CNTNAP5: variants seen among roughly 807,000 people sequenced by gnomAD.
CNTNAP5 encodes the protein contactin-associated protein-like 5.
Under a neutral mutation model 150.2 loss-of-function variants are expected in CNTNAP5, and 72 were observed. The ratio of observed to expected loss-of-function variants is 0.48; its 90% CI spans 0.40 to 0.58. The LOEUF is 0.58. Among genes scored for constraint, CNTNAP5 ranks in the 20% least tolerant of loss-of-function variants. CNTNAP5 has a pLI of 0.00. For synonymous variants in CNTNAP5, 672 were observed against 619.8 expected (o/e 1.08, Z -1.25); for missense variants, 1,636 against 1,626.2 (o/e 1.01, Z -0.10).
intron 4 of CNTNAP5, among the ~76,000 whole-genome samples, chr2:124,421,910 G>A (rs1391094599): frequency 2.6e-5 from 4 of 152,174 alleles, no homozygotes; most frequent in Admixed American, 2.0e-4. Context: ...GATATGTGAT[G>A]TGCTGTCATT....
At chr2:124,207,715 G>C (rs1274395969) in intron 1 of CNTNAP5, among the ~76,000 whole-genome samples, 1 of 152,060 alleles carries the variant, frequency 6.6e-6, no homozygotes, top group Non-Finnish European at 1.5e-5. Flanking sequence ...ATTGCTAAAG[G>C]TTTTCTTCAA....
At chr2:124,266,163 A>G (rs1687602135) in intron 3 of CNTNAP5, among the ~76,000 whole-genome samples, 1 of 152,134 alleles carries the variant, frequency 6.6e-6, no homozygotes, top group Admixed American at 6.6e-5. Context: ...AACCTTATAC[A>G]TGGTAAGGGC....
chr2:124,322,706 G>A (rs940909227), intron 3 of CNTNAP5, among the ~76,000 whole-genome samples: 1 of 152,082 alleles, frequency 6.6e-6, no homozygotes, highest in African/African-American at 2.4e-5. Context: ...TAGCTGCTTT[G>A]CAATGACTCC....
chr2:124,675,293 G>A (rs555803824), intron 13 of CNTNAP5, among the ~76,000 whole-genome samples: 1 of 151,954 alleles, frequency 6.6e-6, no homozygotes, highest in African/African-American at 2.4e-5. Context: ...TTATAGTTAT[G>A]CTTGCATGGT....
At chr2:124,271,701 C>CTATCATCT (rs200397448) in intron 3 of CNTNAP5, among the ~76,000 whole-genome samples, 1,240 of 114,800 alleles carry the variant, frequency 0.011, 11 homozygotes, top group Non-Finnish European at 0.017. Flanking sequence ...ATCTATCTAT[C>CTATCATCT]ATCTATCTAT....
intron 19 of CNTNAP5, among the ~76,000 whole-genome samples, chr2:124,864,404 C>T (rs760529378): frequency 1.6e-4 from 24 of 152,062 alleles, no homozygotes; most frequent in Non-Finnish European, 3.1e-4. Flanking sequence ...ATACAATATA[C>T]TTTTGTTAAC....
At chr2:124,583,853 G>GC (rs1412213144) in intron 11 of CNTNAP5, among the ~76,000 whole-genome samples, 8 of 152,180 alleles carry the variant, frequency 5.3e-5, no homozygotes, top group Non-Finnish European at 7.4e-5. Context: ...CTGTGACAAA[G>GC]CCCCCCAGCT....
At chr2:124,232,829 T>A (rs967339294) in intron 2 of CNTNAP5, among the ~76,000 whole-genome samples, 4 of 152,144 alleles carry the variant, frequency 2.6e-5, no homozygotes, top group Non-Finnish European at 1.5e-5. Context: ...CAGAAAGCGT[T>A]CTGGGGTATC....
At chr2:124,495,696 C>T (rs1200756819) in intron 7 of CNTNAP5, among the ~76,000 whole-genome samples, 2 of 152,220 alleles carry the variant, frequency 1.3e-5, no homozygotes, top group Non-Finnish European at 2.9e-5. Flanking sequence ...CAGAATGTTG[C>T]CTGTCCATAG....
rs577583421 is a variant in CNTNAP5, at chr2:124,048,700, C to G, written c.82+22968C>G. Among the ~76,000 whole-genome samples, 248 of 152,144 alleles carry G rather than the reference C, an allele frequency of 1.6e-3. 1 individual carries two copies. The highest frequency in any genetic ancestry group is 0.014 in the Middle Eastern group (4 of 292). On this transcript the variant is annotated intron_variant, in intron 1 of 23. Coordinates refer to ENST00000682447, the MANE Select transcript of CNTNAP5 (RefSeq NM_001367498.1). ...CTTTCTTTTTAGGCAGTCTTTTATT[C>G]CCCCTTTAACCTGATTCACCTAGAT...
At chr2:124,285,220 G>A (rs1688118319) in intron 3 of CNTNAP5, among the ~76,000 whole-genome samples, 1 of 152,160 alleles carries the variant, frequency 6.6e-6, no homozygotes, top group Non-Finnish European at 1.5e-5. Flanking sequence ...GCCTGAGTCA[G>A]TGCAGTTTTG....
intron 1 of CNTNAP5, among the ~76,000 whole-genome samples, chr2:124,037,542 T>C (rs1681258663): frequency 6.6e-6 from 1 of 152,130 alleles, no homozygotes; most frequent in Non-Finnish European, 1.5e-5. Flanking sequence ...CAACATAGAT[T>C]AACCTGGAGG....
intron 21 of CNTNAP5, among the ~76,000 whole-genome samples, chr2:124,872,386 G>T (rs1451651955): frequency 1.4e-5 from 2 of 147,658 alleles, no homozygotes; most frequent in Non-Finnish European, 1.5e-5. Flanking sequence ...GTGTGTGTGT[G>T]TGTGTGTGTG....
chr2:124,259,008 TC>T (rs1235869050), intron 3 of CNTNAP5, among the ~76,000 whole-genome samples: 1 of 83,696 alleles, frequency 1.2e-5, no homozygotes, highest in African/African-American at 5.5e-5. Flanking sequence ...CCCTCCCCCC[TC>T]CCCCCACCCT....
At position 124,918,734 on chromosome 2, in the gene CNTNAP5, A is replaced by G. The variant is rs1048253480; in HGVS notation, c.*4446A>G. ...ATGGTTCTGCCAGTCATTCTTCCTT[A>G]ATGAAAAGGCTTGGACATACTTAGT... On this transcript the variant is annotated 3_prime_UTR_variant, in exon 24 of 24. Transcript: ENST00000682447. 2.0e-5 allele frequency among the ~76,000 whole-genome samples: 3 copies of G among 152,082 alleles called. No homozygotes were observed. Among genetic ancestry groups the G allele is most frequent in the Non-Finnish European group, 4.4e-5 (3 of 67,988 alleles).
intron 1 of CNTNAP5, among the ~76,000 whole-genome samples, chr2:124,066,484 A>G (rs995281869): frequency 1.3e-5 from 2 of 152,106 alleles, no homozygotes; most frequent in Non-Finnish European, 2.9e-5. Flanking sequence ...TAAATATGGC[A>G]TACATTCTTC....
At chr2:124,269,337 C>G (rs754692079) in intron 3 of CNTNAP5, among the ~76,000 whole-genome samples, 4 of 152,144 alleles carry the variant, frequency 2.6e-5, no homozygotes, top group Non-Finnish European at 4.4e-5. Context: ...GAAGTGGCCA[C>G]AGGTCCCAAA....
At chr2:124,658,208 G>A (rs1268560064) in intron 13 of CNTNAP5, among the ~76,000 whole-genome samples, 3 of 152,146 alleles carry the variant, frequency 2.0e-5, no homozygotes, top group Non-Finnish European at 4.4e-5. Context: ...CTGGTGGGAG[G>A]AGAGCAACTT....
At chr2:124,519,388 G>A (rs1045871194) in intron 8 of CNTNAP5, among the ~76,000 whole-genome samples, 4 of 152,128 alleles carry the variant, frequency 2.6e-5, no homozygotes, top group Non-Finnish European at 5.9e-5. Context: ...AAAAATAAAA[G>A]CAAAGTAGAA....
Sources: allele counts gnomAD v4.1 joint callset (sites outside exome capture counted in the v4.1 genomes callset), GRCh38; gene constraint gnomAD v4.1.1; transcripts MANE v1.5; gene names NCBI Gene and HGNC (gene_info 2026-07-23, HGNC 2026-07-21).